MATN1: variants seen among roughly 807,000 people sequenced by gnomAD.
MATN1 encodes the protein matrilin-1.
In MATN1, 34 loss-of-function variants were observed where a neutral mutation model predicts 41.3. The ratio of observed to expected loss-of-function variants is 0.82; its 90% CI spans 0.63 to 1.10. The LOEUF (loss-of-function observed/expected upper bound fraction) is 1.10, where lower values mean the gene tolerates loss of function less well. MATN1 is among the 50% of genes least tolerant of loss of function. The pLI, the probability that MATN1 is intolerant of heterozygous loss-of-function variation, is 0.00. For synonymous variants in MATN1, 264 were observed against 278.7 expected (o/e 0.95, Z 0.53); for missense variants, 602 against 662.4 (o/e 0.91, Z 1.00).
chr1:30,714,836 C>T (rs948008002), intron 6 of MATN1, among the ~76,000 whole-genome samples: 1 of 152,216 alleles, frequency 6.6e-6, no homozygotes, highest in Non-Finnish European at 1.5e-5. Context: ...CAAATCTTGG[C>T]TCTCCCAGCT....
In MATN1 at chr1:30,718,767, T is replaced by C. The variant is rs1639658560; in HGVS notation, c.632A>G (p.Lys211Arg). 1 of 1,601,220 alleles carries C rather than the reference T, an allele frequency of 6.2e-7. No homozygotes were observed. The highest frequency in any genetic ancestry group is 8.5e-7 in the Non-Finnish European group (1 of 1,172,834). ...GGCCTCCTGGAACTTCCTGGACAGC[T>C]TCTCGATGACGCTGTAGCTCTCCAC... is the stretch of plus-strand genomic sequence containing the variant. Reference protein sequence around the residue: ...DYVESYSVIEKLSRKFQEAFC... With the variant: ...DYVESYSVIERLSRKFQEAFC... Residue 211 changes from lysine (K) to arginine (R), a missense_variant, in exon 3 of 8, where the codon AAG (lysine) becomes AGG (arginine). By Grantham distance (26) the Lys-to-Arg change is conservative. Transcript: ENST00000373765.
chr1:30,717,041 T>C (rs1639627544), intron 3 of MATN1, 126 bp from the exon 4 acceptor site: 2 of 1,103,460 alleles, frequency 1.8e-6, no homozygotes, highest in African/African-American at 1.6e-5. Flanking sequence ...ATCTCCAACA[T>C]ACTGGGGCCC....
chr1:30,712,213 C>T lies in MATN1; in HGVS notation c.*1369G>A, dbSNP rs1383846149. On this transcript the variant is annotated 3_prime_UTR_variant, in exon 8 of 8. Transcript: ENST00000373765. ...GGTTCAGAAAATCACCAAAGCTCCC[C>T]CTCTGAGAGGACAGAGATGGAGATT... 6.6e-6 allele frequency: 1 copy of T among 152,156 alleles called. No individual in the cohort carries two copies. The highest frequency in any genetic ancestry group is 6.5e-5 in the Admixed American group (1 of 15,268). The allele number at this position is 152,156 out of a possible 1,614,324, so 9.4% of individuals were successfully genotyped here.
At chr1:30,721,182 C>T in intron 2 of MATN1, 1 of 575,180 alleles carries the variant, frequency 1.7e-6, no homozygotes, top group Non-Finnish European at 3.1e-6. Flanking sequence ...ATTGTAAGCT[C>T]CTAGGATGGA....
chr1:30,718,592 C>A (rs1433606516), intron 3 of MATN1, 143 bp downstream of exon 3: 44 of 215,142 alleles, frequency 2.0e-4, no homozygotes, highest in African/African-American at 4.5e-4. Flanking sequence ...CGCCTCTGCC[C>A]CCCCCCCGGC....
At chr1:30,714,864 C>G (rs1043690062) in intron 6 of MATN1, among the ~76,000 whole-genome samples, 1 of 152,204 alleles carries the variant, frequency 6.6e-6, no homozygotes, top group African/African-American at 2.4e-5. Flanking sequence ...GTTGTTCCAC[C>G]CCTTTGGCCT....
In MATN1 at chr1:30,716,738, T is replaced by G. The variant is rs566603307; in HGVS notation, c.790+52A>C. ...GAATGGGTTTCCTGGGGAGGCCCCA[T>G]CACCTCCCCTCCACACCCTCTCCAG... is the stretch of plus-strand genomic sequence containing the variant. On this transcript the variant is annotated intron_variant, in intron 4 of 7. Coordinates refer to ENST00000373765, the MANE Select transcript of MATN1 (RefSeq NM_002379.3). 182 of 1,597,558 alleles carry G rather than the reference T, an allele frequency of 1.1e-4. No homozygotes were observed. In the East Asian group the frequency reaches 3.1e-3, roughly 27 times the overall value.
At chr1:30,715,386 T>C in intron 5 of MATN1, 77 bp from the exon 6 acceptor site, 1 of 1,490,508 alleles carries the variant, frequency 6.7e-7, no homozygotes, top group South Asian at 1.2e-5. Context: ...GGGGAAGGCT[T>C]AGGCAGCCAA....
chr1:30,720,559 G>A (rs1052575764), intron 2 of MATN1: 20 of 152,564 alleles, frequency 1.3e-4, no homozygotes, highest in African/African-American at 4.8e-4. Context: ...GCAGAATCAT[G>A]TTCATTTATC....
chr1:30,715,314 C>G lies in MATN1; in HGVS notation c.1208-5G>C. On this transcript the variant is annotated splice_region_variant and splice_polypyrimidine_tract_variant and intron_variant, in intron 5 of 7. Coordinates refer to ENST00000373765, the MANE Select transcript of MATN1 (RefSeq NM_002379.3). ...CCACAGCAAACATCTTAAAGCCTGCCAGGAGGAACAGGAGAAGTAAGGCTG... is the reference window on the plus strand; with the variant it reads ...CCACAGCAAACATCTTAAAGCCTGCGAGGAGGAACAGGAGAAGTAAGGCTG... 6.2e-7 allele frequency: 1 copy of G among 1,613,848 alleles called. No individual in the cohort carries two copies. The highest frequency in any genetic ancestry group is 8.5e-7 in the Non-Finnish European group (1 of 1,179,794).
At chr1:30,717,372 A>G (rs1639630389) in intron 3 of MATN1, among the ~76,000 whole-genome samples, 1 of 152,172 alleles carries the variant, frequency 6.6e-6, no homozygotes, top group African/African-American at 2.4e-5. Context: ...CCTAACCCTG[A>G]TCCTGTCCTA....
rs374863504 is a variant in MATN1, at chr1:30,721,355, G to A, written c.441+50C>T. 1.2e-4 allele frequency: 178 copies of A among 1,525,576 alleles called. No individual in the cohort carries two copies. In the African/African-American group the frequency reaches 2.0e-3, roughly 17 times the overall value. 94.5% of individuals were successfully genotyped at this position (1,525,576 alleles called of 1,614,324 possible). ...GTCTGCAGGCAAAGCTCATAACTCC[G>A]AGCGGGAGCCTCCAAACAGCAGCAT... On this transcript the variant is annotated intron_variant, in intron 2 of 7. Coordinates refer to ENST00000373765, the MANE Select transcript of MATN1 (RefSeq NM_002379.3).
chr1:30,715,979 C>A lies in MATN1; in HGVS notation c.1137G>T (p.Val379=). The A allele has an allele frequency of 2.5e-6, 4 of 1,614,240 alleles. No individual in the cohort carries two copies. Among genetic ancestry groups the A allele is most frequent in the Non-Finnish European group, 3.4e-6 (4 of 1,180,048 alleles). The change falls in exon 5 of 8, where the codon GTG becomes GTT. Residue 379 remains valine, a synonymous_variant. Coordinates refer to ENST00000373765, the MANE Select transcript of MATN1 (RefSeq NM_002379.3). ...TCCGGCCATCAGTGAAGACAATGCC[C>A]ACCTTCTGGGCCCCGGGCCTAGCCC... ...SSGARPGAQK[V]GIVFTDGRSQ...
chr1:30,722,090 A>T (rs1003002702), intron 1 of MATN1, among the ~76,000 whole-genome samples: 13 of 152,304 alleles, frequency 8.5e-5, no homozygotes, highest in African/African-American at 3.1e-4. Flanking sequence ...CCAGGCAAGC[A>T]ATGAGTATTC....
At position 30,718,865 on chromosome 1, in the gene MATN1, G is replaced by A. The variant is rs778852998; in HGVS notation, c.534C>T (p.Ile178=). 2.5e-6 allele frequency: 4 copies of A among 1,605,942 alleles called. No individual in the cohort carries two copies. The highest frequency in any genetic ancestry group is 3.4e-6 in the Non-Finnish European group (4 of 1,178,156). Reference sequence around the variant, plus strand: ...TGGCCTTGTCCACGCTGCCCACTCCGATGGCGAACAGCTCGACGCCGCTGG... The same window carrying A: ...TGGCCTTGTCCACGCTGCCCACTCCAATGGCGAACAGCTCGACGCCGCTGG... ...ARASGVELFA[I]GVGSVDKATL... Residue 178 remains isoleucine (I), a synonymous_variant, in exon 3 of 8, where the codon ATC becomes ATT. Transcript: ENST00000373765.
chr1:30,715,952 G>T lies in MATN1; in HGVS notation c.1164C>A (p.Ser388Arg). 6.2e-7 allele frequency: 1 copy of T among 1,614,162 alleles called. No individual in the cohort carries two copies. Among genetic ancestry groups the T allele is most frequent in the Non-Finnish European group, 8.5e-7 (1 of 1,180,026 alleles). ...KVGIVFTDGR[S>R]QDYINDAAKK... ...TGGCAGCATCATTAATGTAGTCCTG[G>T]CTCCGGCCATCAGTGAAGACAATGC... is the stretch of plus-strand genomic sequence containing the variant. Residue 388 changes from serine (S) to arginine (R), a missense_variant, in exon 5 of 8, where the codon AGC becomes AGA. Transcript: ENST00000373765.
intron 3 of MATN1, among the ~76,000 whole-genome samples, chr1:30,717,362 C>T (rs1639630269): frequency 6.6e-6 from 1 of 152,140 alleles, no homozygotes; most frequent in Non-Finnish European, 1.5e-5. Context: ...AAGTCCCTGC[C>T]CTAACCCTGA....
intron 6 of MATN1, among the ~76,000 whole-genome samples, 198 bp from the exon 7 acceptor site, chr1:30,714,525 G>A (rs921690211): frequency 3.3e-5 from 5 of 152,156 alleles, no homozygotes; most frequent in Admixed American, 1.3e-4. Context: ...ACCCCTGAAC[G>A]TCTTCCTGGT....
Position 30,721,487 on chromosome 1 carries a change from G to A in MATN1, c.359C>T (p.Thr120Ile). ...GATAGCGAACTGGATGGCCAGGCCGGTCATGGTGCCTGTGGACAGCGGCTG... is the reference window on the plus strand; with the variant it reads ...GATAGCGAACTGGATGGCCAGGCCGATCATGGTGCCTGTGGACAGCGGCTG... Reference protein sequence around the residue: ...RIQPLSTGTMTGLAIQFAITK... With the variant: ...RIQPLSTGTMIGLAIQFAITK... Residue 120 changes from threonine to isoleucine, a missense_variant, in exon 2 of 8, where the codon ACC (threonine) becomes ATC (isoleucine). Physicochemically the swap from Thr to Ile is moderately conservative, Grantham distance 89. Transcript: ENST00000373765. 6.2e-7 allele frequency: 1 copy of A among 1,613,558 alleles called. No homozygotes were observed. Among genetic ancestry groups the A allele is most frequent in the Non-Finnish European group, 8.5e-7 (1 of 1,180,036 alleles).
Sources: allele counts gnomAD v4.1 joint callset (sites outside exome capture counted in the v4.1 genomes callset), GRCh38; gene constraint gnomAD v4.1.1; transcripts MANE v1.5; gene names NCBI Gene and HGNC (gene_info 2026-07-23, HGNC 2026-07-21).